Variants in DLC1 observed in about 807,000 individuals in gnomAD.
DLC1 encodes rho GTPase-activating protein 7.
In DLC1, 54 loss-of-function variants were observed where a neutral mutation model predicts 140.3. That is an observed-to-expected ratio of 0.38 (90% CI 0.31 to 0.48). The LOEUF (loss-of-function observed/expected upper bound fraction) is 0.48, where lower values mean the gene tolerates loss of function less well. Among genes scored for constraint, DLC1 ranks in the 20% least tolerant of loss-of-function variants. DLC1 has a pLI of 0.96. For synonymous variants in DLC1, 986 were observed against 728.1 expected, an observed-to-expected ratio of 1.35 and a Z score of -5.70; for missense variants, 2,536 against 1,907.0, an observed-to-expected ratio of 1.33 and a Z score of -6.14.
chr8:13,592,225 C>G (rs926694907), intron 1 of DLC1, among the ~76,000 whole-genome samples: 1 of 152,020 alleles, frequency 6.6e-6, no homozygotes, highest in Non-Finnish European at 1.5e-5. Context: ...TAGAAATTTT[C>G]GATTCAAGTA....
chr8:13,508,666 C>G (rs1231105244), intron 1 of DLC1, among the ~76,000 whole-genome samples: 2 of 152,150 alleles, frequency 1.3e-5, no homozygotes, highest in African/African-American at 2.4e-5. Context: ...GATCTGCCCA[C>G]CTCGGCCTCC....
chr8:13,362,216 G>A (rs1835259363), intron 4 of DLC1, among the ~76,000 whole-genome samples: 1 of 152,202 alleles, frequency 6.6e-6, no homozygotes, highest in South Asian at 2.1e-4. Context: ...TGACCTCGAT[G>A]ACACTTCATA....
intron 5 of DLC1, among the ~76,000 whole-genome samples, chr8:13,247,157 G>T: frequency 6.6e-6 from 1 of 152,292 alleles, no homozygotes; most frequent in South Asian, 2.1e-4. Flanking sequence ...CAAAAATATT[G>T]CTGAAATGAT....
chr8:13,396,771 T>C lies in DLC1; in HGVS notation c.1174-3078A>G, dbSNP rs78324944. Among the ~76,000 whole-genome samples the C allele has an allele frequency of 1.2e-3, 183 of 152,318 alleles. 5 individuals are homozygous for C. In the East Asian group the frequency reaches 0.033, roughly 28 times the overall value. ...TGTGTAGTTTAGTACAAATCTTTAT[T>C]ATTTTCTCTTCTGTTCTCTGTTCAA... On this transcript the variant is annotated intron_variant, in intron 3 of 17. Coordinates refer to ENST00000276297, the MANE Select transcript of DLC1 (RefSeq NM_182643.3).
intron 4 of DLC1, among the ~76,000 whole-genome samples, chr8:13,376,025 T>TA (rs1159692526): frequency 6.6e-6 from 1 of 152,210 alleles, no homozygotes; most frequent in East Asian, 1.9e-4. Flanking sequence ...GAAAAGAGTT[T>TA]AAATCATGTT....
intron 4 of DLC1, chr8:13,341,239 G>A (rs1353739982): frequency 6.6e-6 from 1 of 152,198 alleles, no homozygotes; most frequent in African/African-American, 2.4e-5. Flanking sequence ...AAACTGCAAA[G>A]CTTGATGATC....
chr8:13,546,215 A>G (rs1279685560), intron 1 of DLC1, among the ~76,000 whole-genome samples: 2 of 152,266 alleles, frequency 1.3e-5, no homozygotes, highest in South Asian at 4.1e-4. Flanking sequence ...ATCACAGACC[A>G]CTATAAATTC....
chr8:13,387,192 T>C (rs1836562027), intron 4 of DLC1, among the ~76,000 whole-genome samples: 1 of 152,060 alleles, frequency 6.6e-6, no homozygotes, highest in South Asian at 2.1e-4. Context: ...TAAAATACTA[T>C]TTAAATTCTA....
chr8:13,253,693 G>C (rs932658448), intron 5 of DLC1, among the ~76,000 whole-genome samples: 4 of 152,198 alleles, frequency 2.6e-5, no homozygotes, highest in Non-Finnish European at 5.9e-5. Flanking sequence ...CCTGGAGCCT[G>C]CTTTCCCCAG....
At chr8:13,387,898 C>G (rs181499708) in intron 4 of DLC1, among the ~76,000 whole-genome samples, 4 of 151,916 alleles carry the variant, frequency 2.6e-5, no homozygotes, top group Non-Finnish European at 5.9e-5. Context: ...ATGACTGAAC[C>G]GTGAAAACTC....
chr8:13,369,151 A>C (rs1385317292), intron 4 of DLC1, among the ~76,000 whole-genome samples: 3 of 152,074 alleles, frequency 2.0e-5, no homozygotes, highest in Non-Finnish European at 2.9e-5. Context: ...TTCCATTCAT[A>C]TGTCCATCCT....
At chr8:13,551,736 CTATCAAACATATGTTTCTA>C (rs562270119) in intron 1 of DLC1, among the ~76,000 whole-genome samples, 301 of 151,514 alleles carry the variant, frequency 2.0e-3, no homozygotes, top group Non-Finnish European at 3.1e-3. Context: ...GTAGTTATAT[CTATCAAACATATGTTTCTA>C]TATCAAACAT....
At position 13,284,526 on chromosome 8, in the gene DLC1, G is replaced by GA. The variant is rs200317845; in HGVS notation, c.1348+20742dup. 2.7e-3 allele frequency among the ~76,000 whole-genome samples: 408 copies of GA among 151,292 alleles called. 1 individual carries two copies. The highest frequency in any genetic ancestry group is 9.1e-3 in the African/African-American group (374 of 41,220). ...TGGGTGACAGAGCAAGATTCCGTCT[G>GA]AAAAAAAAGTGAATAAAAAATAAAA... On this transcript the variant is annotated intron_variant, in intron 5 of 17. Transcript: ENST00000276297.
intron 5 of DLC1, among the ~76,000 whole-genome samples, chr8:13,184,365 T>C (rs1585861859): frequency 6.6e-6 from 1 of 152,214 alleles, no homozygotes; most frequent in Non-Finnish European, 1.5e-5. Flanking sequence ...TGCTCTTGCT[T>C]CTCTAGTTCT....
At chr8:13,424,189 T>C (rs999872132) in intron 2 of DLC1, among the ~76,000 whole-genome samples, 5 of 151,692 alleles carry the variant, frequency 3.3e-5, no homozygotes, top group African/African-American at 1.2e-4. Flanking sequence ...CTGGAAAAAA[T>C]AGAAATAATG....
intron 2 of DLC1, among the ~76,000 whole-genome samples, chr8:13,476,131 T>G (rs1177556351): frequency 6.6e-6 from 1 of 152,206 alleles, no homozygotes; most frequent in Non-Finnish European, 1.5e-5. Context: ...ATTTTACACT[T>G]TTTGTGCTTT....
chr8:13,250,369 A>G (rs561917547), intron 5 of DLC1, among the ~76,000 whole-genome samples: 360 of 152,308 alleles, frequency 2.4e-3, no homozygotes, highest in African/African-American at 7.8e-3. Flanking sequence ...TGGCCCACAC[A>G]GTATCATTTC....
chr8:13,325,449 T>TAC (rs1554497506), intron 4 of DLC1, among the ~76,000 whole-genome samples: 552 of 38,288 alleles, frequency 0.014, 8 homozygotes, highest in African/African-American at 0.03. Context: ...TAGTTCTGTA[T>TAC]ACACACACAC....
chr8:13,449,102 C>A (rs961710305), intron 2 of DLC1, among the ~76,000 whole-genome samples: 2 of 152,104 alleles, frequency 1.3e-5, no homozygotes, highest in Admixed American at 6.6e-5. Flanking sequence ...CAGAGGTTAA[C>A]CTTATGAAGC....
Sources: allele counts gnomAD v4.1 joint callset (sites outside exome capture counted in the v4.1 genomes callset), GRCh38; gene constraint gnomAD v4.1.1; transcripts MANE v1.5; gene names NCBI Gene and HGNC (gene_info 2026-07-23, HGNC 2026-07-21).